Variants in SEMA6A observed in about 807,000 individuals in gnomAD.
The protein encoded by SEMA6A is semaphorin 6A, also known as semaphorin-6A.
A neutral mutation model predicts 96.8 loss-of-function variants in SEMA6A; 25 were observed. That is an observed-to-expected ratio of 0.26 (90% CI 0.19 to 0.36). The LOEUF (loss-of-function observed/expected upper bound fraction) is 0.36. Among genes scored for constraint, SEMA6A ranks in the 10% least tolerant of loss-of-function variants. The pLI is 1.00. For missense variants in SEMA6A, 1,363 were observed against 1,323.1 expected (o/e 1.03, Z -0.47); for synonymous variants, 612 against 518.0 (o/e 1.18, Z -2.46).
At chr5:116,548,147 C>T (rs1360579069) in intron 1 of SEMA6A, among the ~76,000 whole-genome samples, 1 of 152,228 alleles carries the variant, frequency 6.6e-6, no homozygotes, top group African/African-American at 2.4e-5. Flanking sequence ...CTGGACACTA[C>T]AGGCCAGTTA....
At chr5:116,483,006 T>G (rs1756866132) in intron 10 of SEMA6A, among the ~76,000 whole-genome samples, 1 of 152,196 alleles carries the variant, frequency 6.6e-6, no homozygotes, top group Admixed American at 6.5e-5. Context: ...CACATATTGC[T>G]TCTTTGAATT....
intron 12 of SEMA6A, among the ~76,000 whole-genome samples, chr5:116,479,356 T>C (rs968112350): frequency 6.6e-6 from 1 of 152,240 alleles, no homozygotes; most frequent in South Asian, 2.1e-4. Context: ...CATGGGGACC[T>C]AGTTGTCCTA....
chr5:116,486,238 A>C (rs1002375703), intron 10 of SEMA6A, among the ~76,000 whole-genome samples: 10 of 152,202 alleles, frequency 6.6e-5, no homozygotes, highest in African/African-American at 2.4e-5. Flanking sequence ...GTAGCAATTT[A>C]ATACATTTCC....
At chr5:116,487,146 T>C (rs17139912) in intron 9 of SEMA6A, 180 bp from the exon 10 acceptor site, 50,615 of 570,316 alleles carry the variant, frequency 0.089, 5,923 homozygotes, top group African/African-American at 0.43. Context: ...AGCATTAGAG[T>C]AGCATGTTTT....
intron 16 of SEMA6A, 79 bp from the exon 17 acceptor site, chr5:116,473,172 T>C: frequency 7.1e-7 from 1 of 1,405,974 alleles, no homozygotes; most frequent in Admixed American, 2.0e-5. Context: ...GGGAATGAGC[T>C]AACACAGAAC....
rs1369294441 is a variant in SEMA6A at position 116,447,667 on chromosome 5, T to C, written c.2039A>G (p.Asp680Gly). The change falls in exon 19 of 19, where the codon GAC becomes GGC. Residue 680 changes from aspartate to glycine, a missense_variant. Around this residue, in one of 2 missense-constraint regions of SEMA6A, gnomAD observed 883 missense variants for 763.6 expected, o/e 1.16. Coordinates refer to ENST00000343348, the MANE Select transcript of SEMA6A (RefSeq NM_020796.5). ...CTCCTTGCGCTGCACCACAGCCACG[T>C]CTTTGCGCCGATGATCACAGACGCA... ...VYCVCDHRRK[D>G]VAVVQRKEKE... is the part of the protein sequence containing the mutation. The C allele has an allele frequency of 6.2e-7, 1 of 1,614,014 alleles. No individual in the cohort carries two copies. Among genetic ancestry groups the C allele is most frequent in the East Asian group, 2.2e-5 (1 of 44,870 alleles).
chr5:116,566,364 T>C (rs2112915547), intron 1 of SEMA6A, among the ~76,000 whole-genome samples: 1 of 152,342 alleles, frequency 6.6e-6, no homozygotes, highest in Admixed American at 6.5e-5. Flanking sequence ...CACCTAGGAA[T>C]ATTAAAAGAA....
intron 1 of SEMA6A, among the ~76,000 whole-genome samples, chr5:116,517,079 A>T (rs1439579932): frequency 6.6e-6 from 1 of 152,214 alleles, no homozygotes; most frequent in Non-Finnish European, 1.5e-5. Flanking sequence ...TACAAACAAA[A>T]CAAAAACAAA....
At chr5:116,559,760 G>A (rs975746630) in intron 1 of SEMA6A, among the ~76,000 whole-genome samples, 2 of 152,028 alleles carry the variant, frequency 1.3e-5, no homozygotes, top group Non-Finnish European at 2.9e-5. Flanking sequence ...TGATACCTTG[G>A]AACCATTTTT....
intron 1 of SEMA6A, among the ~76,000 whole-genome samples, chr5:116,529,158 C>T (rs545395837): frequency 2.8e-4 from 43 of 151,964 alleles, no homozygotes; most frequent in Non-Finnish European, 5.7e-4. Flanking sequence ...TAGGGATTAA[C>T]CAAATATTTT....
intron 3 of SEMA6A, 48 bp from the exon 4 acceptor site, chr5:116,497,435 A>G: frequency 8.3e-7 from 1 of 1,197,806 alleles, no homozygotes. Flanking sequence ...GAGTCAAAAC[A>G]GTTCATTTTC....
intron 7 of SEMA6A, among the ~76,000 whole-genome samples, chr5:116,490,638 C>T (rs1272035811): frequency 1.3e-5 from 2 of 152,182 alleles, no homozygotes; most frequent in African/African-American, 4.8e-5. Context: ...CCCGAGGAAC[C>T]TGCCCTTCTT....
At chr5:116,482,634 G>C (rs1386186389) in intron 10 of SEMA6A, 59 bp from the exon 11 acceptor site, 1 of 1,578,852 alleles carries the variant, frequency 6.3e-7, no homozygotes, top group East Asian at 2.3e-5. Flanking sequence ...ATGTGGTTTG[G>C]AACATACTCC....
At chr5:116,548,388 A>G (rs184153956) in intron 1 of SEMA6A, among the ~76,000 whole-genome samples, 7 of 152,266 alleles carry the variant, frequency 4.6e-5, no homozygotes, top group Admixed American at 4.6e-4. Flanking sequence ...TATGGAGTGA[A>G]GTTCCAAGGT....
rs1474096144 is a variant in SEMA6A, at chr5:116,447,420, T to G, written c.2286A>C (p.Pro762=). The change falls in exon 19 of 19, where the codon CCA becomes CCC. Residue 762 remains proline (P), a synonymous_variant. Transcript: ENST00000343348. ...LTALPTPEST[P]TLQQKRKPSR... The stretch of plus-strand genomic sequence containing the variant: ...TGGGCTTCCGCTTCTGCTGCAGCGT[T>G]GGGGTTGACTCTGGGGTGGGGAGGG... The G allele has an allele frequency of 1.2e-6, 2 of 1,613,968 alleles. No homozygotes were observed. Among genetic ancestry groups the G allele is most frequent in the South Asian group, 2.2e-5 (2 of 91,076 alleles).
At chr5:116,462,156 C>G (rs154555) in intron 18 of SEMA6A, among the ~76,000 whole-genome samples, 68,194 of 151,950 alleles carry the variant, frequency 0.45, 16,631 homozygotes, top group Non-Finnish European at 0.55. Flanking sequence ...AAATCCATTA[C>G]ATTTTAAGCA....
Position 116,478,643 on chromosome 5 carries a change from TGA to T in SEMA6A, c.1324_1325del (p.Ser442ArgfsTer15). The T allele has an allele frequency of 6.2e-7, 1 of 1,613,772 alleles. No individual in the cohort carries two copies. Among genetic ancestry groups the T allele is most frequent in the Non-Finnish European group, 8.5e-7 (1 of 1,179,828 alleles). ...YQNHTVVFLG[S>X]EKGIILKFLA... ...AAAACTTCAAGATGATTCCCTTCTC[TGA>T]TCCCAGAAAAACCACAGTGTGATTC... On this transcript the variant is annotated frameshift_variant, in exon 13 of 19. Coordinates refer to ENST00000343348, the MANE Select transcript of SEMA6A (RefSeq NM_020796.5). LOFTEE classifies it high-confidence loss of function.
Position 116,557,735 on chromosome 5 carries a change from T to C in SEMA6A, c.-39+16450A>G, listed in dbSNP as rs556816495. 6.7e-4 allele frequency among the ~76,000 whole-genome samples: 102 copies of C among 152,352 alleles called. 2 individuals carry two copies. In the South Asian group the frequency reaches 0.016, roughly 23 times the overall value. On this transcript the variant is annotated intron_variant, in intron 1 of 18. Transcript: ENST00000343348. ...AGCACTGGTGATGTGCACATTTTAA[T>C]TTATTCAAAATCTTTCAAACTATGT...
At chr5:116,470,909 G>C (rs776751308) in intron 17 of SEMA6A, among the ~76,000 whole-genome samples, 6 of 152,112 alleles carry the variant, frequency 3.9e-5, no homozygotes, top group Admixed American at 3.9e-4. Context: ...TTCTTCTTTC[G>C]ATGCTACAAA....
Sources: allele counts gnomAD v4.1 joint callset (sites outside exome capture counted in the v4.1 genomes callset), GRCh38; gene constraint gnomAD v4.1.1; regional missense constraint gnomAD v4.1.1; transcripts MANE v1.5; gene names NCBI Gene and HGNC (gene_info 2026-07-23, HGNC 2026-07-21).